The following TSGA10 variants were observed in gnomAD, a reference collection of about 807,000 sequenced individuals.
TSGA10 encodes testis-specific gene 10 protein.
A neutral mutation model predicts 96.6 loss-of-function variants in TSGA10; 43 were observed. The ratio of observed to expected loss-of-function variants is 0.44; its 90% CI spans 0.35 to 0.57. TSGA10 has a LOEUF of 0.57. Ranked by LOEUF, TSGA10 falls within the 20% of genes least tolerant of loss-of-function variation. The probability of loss-of-function intolerance (pLI) is 0.01; values close to 1 mark genes in which losing one functional copy is unlikely to be tolerated. For synonymous variants in TSGA10, 229 were observed against 269.9 expected, an observed-to-expected ratio of 0.85 and a Z score of 1.48; for missense variants, 703 against 834.4, an observed-to-expected ratio of 0.84 and a Z score of 1.94.
chr2:99,084,766 C>A (rs1286495043), intron 10 of TSGA10, among the ~76,000 whole-genome samples: 1 of 151,772 alleles, frequency 6.6e-6, no homozygotes, highest in Non-Finnish European at 1.5e-5. Flanking sequence ...TCTCTCCCAT[C>A]CCCCCATACC....
At chr2:99,018,485 C>G (rs777019883) in intron 19 of TSGA10, 51 bp downstream of exon 19, 1 of 1,587,478 alleles carries the variant, frequency 6.3e-7, no homozygotes, top group South Asian at 1.1e-5. Context: ...AGAAACAATG[C>G]TTTCCATGCT....
chr2:99,146,403 C>A (rs1285905755), intron 1 of TSGA10, among the ~76,000 whole-genome samples: 1 of 152,170 alleles, frequency 6.6e-6, no homozygotes, highest in African/African-American at 2.4e-5. Context: ...GCTTTGGACA[C>A]AGAAAATATC....
At chr2:99,121,041 G>A (rs1245897826) in intron 2 of TSGA10, among the ~76,000 whole-genome samples, 1 of 152,120 alleles carries the variant, frequency 6.6e-6, no homozygotes, top group Non-Finnish European at 1.5e-5. Flanking sequence ...TCCATGGTAT[G>A]GAATACCACA....
chr2:99,045,442 GA>G (rs1322029102), intron 16 of TSGA10, among the ~76,000 whole-genome samples: 1 of 152,156 alleles, frequency 6.6e-6, no homozygotes, highest in African/African-American at 2.4e-5. Context: ...CATTCTTAAA[GA>G]AAAGAATTTT....
At chr2:99,119,774 G>A (rs1228418757) in intron 2 of TSGA10, among the ~76,000 whole-genome samples, 7 of 152,172 alleles carry the variant, frequency 4.6e-5, no homozygotes, top group Non-Finnish European at 8.8e-5. Context: ...ACAATGATCT[G>A]TTCGTTATTG....
chr2:99,085,243 T>C (rs900286080), intron 10 of TSGA10, among the ~76,000 whole-genome samples: 7 of 151,756 alleles, frequency 4.6e-5, no homozygotes, highest in African/African-American at 1.7e-4. Flanking sequence ...TAAGACTCCG[T>C]CTCAAAATTA....
intron 17 of TSGA10, among the ~76,000 whole-genome samples, chr2:99,028,219 G>T (rs766579960): frequency 3.9e-5 from 6 of 152,138 alleles, no homozygotes; most frequent in Admixed American, 6.6e-5. Context: ...CTAGCTGACT[G>T]TTCTATTTAT....
chr2:99,095,466 CTTT>C (rs1298973688), intron 10 of TSGA10, among the ~76,000 whole-genome samples: 3 of 151,896 alleles, frequency 2.0e-5, no homozygotes, highest in Admixed American at 6.6e-5. Flanking sequence ...ACTATTAATA[CTTT>C]TTTAAGTGAT....
chr2:99,079,054 G>A, intron 11 of TSGA10: 1 of 313,160 alleles, frequency 3.2e-6, no homozygotes, highest in Non-Finnish European at 5.8e-6. Context: ...GAATAGTGAA[G>A]GAAAGCTCTA....
chr2:99,001,532 C>T (rs1180051715), intron 20 of TSGA10, among the ~76,000 whole-genome samples: 1 of 152,152 alleles, frequency 6.6e-6, no homozygotes, highest in East Asian at 1.9e-4. Context: ...GGGGAGAAAC[C>T]AGAGCAGAAA....
At chr2:99,122,877 G>A (rs921961163) in intron 2 of TSGA10, among the ~76,000 whole-genome samples, 7 of 151,778 alleles carry the variant, frequency 4.6e-5, no homozygotes, top group Admixed American at 3.9e-4. Flanking sequence ...ACTGCTCCAA[G>A]ATTACTTCTT....
intron 16 of TSGA10, among the ~76,000 whole-genome samples, chr2:99,062,313 A>G (rs1458483870): frequency 6.6e-6 from 1 of 152,204 alleles, no homozygotes; most frequent in Admixed American, 6.5e-5. Context: ...CTTAGCAGAT[A>G]ACAAAGAATT....
At chr2:99,093,533 A>G (rs1462513164) in intron 10 of TSGA10, among the ~76,000 whole-genome samples, 2 of 108,306 alleles carry the variant, frequency 1.8e-5, no homozygotes, top group Non-Finnish European at 4.5e-5. Flanking sequence ...CCTAGAACTG[A>G]TAAATGAATT....
intron 1 of TSGA10, among the ~76,000 whole-genome samples, chr2:99,132,945 T>C (rs1022623900): frequency 6.6e-6 from 1 of 152,278 alleles, no homozygotes; most frequent in African/African-American, 2.4e-5. Flanking sequence ...TTGATTGCAC[T>C]GTGGTCTGCG....
At chr2:99,055,105 T>G (rs367647843) in intron 16 of TSGA10, among the ~76,000 whole-genome samples, 1 of 152,210 alleles carries the variant, frequency 6.6e-6, no homozygotes, top group East Asian at 1.9e-4. Flanking sequence ...GGAATCAACC[T>G]AAGTGTCCAT....
chr2:99,107,469 ATTGT>A (rs1032920415), intron 7 of TSGA10, among the ~76,000 whole-genome samples: 2 of 152,078 alleles, frequency 1.3e-5, no homozygotes, highest in Admixed American at 6.5e-5. Context: ...AAAAAAAAAG[ATTGT>A]TTGTTGCTTA....
chr2:99,105,275 T>C (rs1431731799), intron 9 of TSGA10, 84 bp downstream of exon 9: 2 of 1,185,070 alleles, frequency 1.7e-6, no homozygotes, highest in South Asian at 1.5e-5. Context: ...ATAAAATAAC[T>C]TCTCTGAATA....
intron 10 of TSGA10, chr2:99,102,092 A>G (rs2090824456): frequency 6.8e-7 from 1 of 1,473,998 alleles, no homozygotes; most frequent in East Asian, 2.3e-5. Flanking sequence ...AGCAGAAAGA[A>G]AAGTTAATAA....
chr2:99,153,203 A>G (rs923298473), intron 1 of TSGA10, among the ~76,000 whole-genome samples: 10 of 152,228 alleles, frequency 6.6e-5, no homozygotes, highest in African/African-American at 2.4e-4. Flanking sequence ...TGAAAAGTCC[A>G]GTGGATCTAG....
Sources: gnomAD v4.1 joint callset for allele counts (sites outside exome capture counted in the v4.1 genomes callset) on GRCh38, gnomAD v4.1.1 for gene constraint, MANE v1.5 for transcripts, NCBI Gene and HGNC (gene_info 2026-07-23, HGNC 2026-07-21) for gene names.